The following OCA2 variants were observed in gnomAD, a reference collection of about 807,000 sequenced individuals.
OCA2 encodes OCA2 melanosomal transmembrane protein.
A neutral mutation model predicts 100.2 loss-of-function variants in OCA2; 77 were observed. The observed-to-expected ratio is 0.77, with a 90% confidence interval of 0.64 to 0.93. OCA2 has a LOEUF of 0.93. OCA2 is among the 40% of genes least tolerant of loss of function. The pLI, the probability that OCA2 is intolerant of heterozygous loss-of-function variation, is 0.00. For synonymous variants in OCA2, 432 were observed against 439.2 expected (o/e 0.98, Z 0.21); for missense variants, 1,062 against 1,089.1 (o/e 0.98, Z 0.35).
intron 23 of OCA2, among the ~76,000 whole-genome samples, chr15:27,758,242 AG>A (rs1051355513): frequency 1.3e-5 from 2 of 152,190 alleles, no homozygotes; most frequent in Non-Finnish European, 2.9e-5. Flanking sequence ...GAAAACAAAA[AG>A]CCCCAAGAGA....
At chr15:28,089,168 A>G (rs1451367454) in intron 1 of OCA2, among the ~76,000 whole-genome samples, 2 of 152,230 alleles carry the variant, frequency 1.3e-5, no homozygotes, top group African/African-American at 4.8e-5. Flanking sequence ...ACCAGACTTT[A>G]AGGTTATCTC....
intron 23 of OCA2, among the ~76,000 whole-genome samples, chr15:27,758,345 GA>G (rs1291370107): frequency 8.5e-5 from 13 of 152,088 alleles, no homozygotes; most frequent in Middle Eastern, 3.4e-3. Flanking sequence ...AATTCCACGG[GA>G]AAAAAAATTA....
intron 13 of OCA2, 129 bp from the exon 14 acceptor site, chr15:27,983,612 G>A: frequency 1.0e-6 from 1 of 983,836 alleles, no homozygotes; most frequent in Non-Finnish European, 1.6e-6. Flanking sequence ...CCCCTGTGGG[G>A]AAGGCAGTGC....
At chr15:27,949,071 T>C (rs2039942419) in intron 18 of OCA2, among the ~76,000 whole-genome samples, 2 of 151,784 alleles carry the variant, frequency 1.3e-5, no homozygotes, top group African/African-American at 4.9e-5. Flanking sequence ...AAAAGTCAGT[T>C]TTGCTCTATG....
chr15:27,984,132 A>G (rs2041263125), intron 13 of OCA2, among the ~76,000 whole-genome samples: 2 of 151,886 alleles, frequency 1.3e-5, no homozygotes, highest in African/African-American at 4.8e-5. Flanking sequence ...ATTCTCTTCT[A>G]GCTATCTTGG....
chr15:27,931,841 T>C (rs1310274227), intron 18 of OCA2, among the ~76,000 whole-genome samples: 1 of 152,212 alleles, frequency 6.6e-6, no homozygotes, highest in Admixed American at 6.5e-5. Flanking sequence ...TTCCAAAGTA[T>C]ACCCACTTGT....
chr15:27,720,446 T>C, the OCA2 span, among the ~76,000 whole-genome samples: 2 of 150,142 alleles, frequency 1.3e-5, no homozygotes, highest in African/African-American at 4.9e-5. Context: ...AATTTTGAAA[T>C]TCATCTGTTT....
intron 19 of OCA2, among the ~76,000 whole-genome samples, chr15:27,889,068 C>T (rs4589506): frequency 0.3 from 46,140 of 151,992 alleles, 7,469 homozygotes; most frequent in East Asian, 0.56. Context: ...TATTAAACTA[C>T]AGGTTAGACT....
intron 1 of OCA2, among the ~76,000 whole-genome samples, chr15:28,092,206 C>A (rs1408446625): frequency 3.9e-5 from 6 of 152,050 alleles, no homozygotes; most frequent in African/African-American, 1.2e-4. Flanking sequence ...AAATTAGTTG[C>A]TGCTTATGGC....
At chr15:27,988,681 T>C (rs2041442200) in intron 11 of OCA2, among the ~76,000 whole-genome samples, 1 of 152,162 alleles carries the variant, frequency 6.6e-6, no homozygotes, top group Non-Finnish European at 1.5e-5. Context: ...AGCAAACTAA[T>C]ATAGCATTCC....
intron 23 of OCA2, among the ~76,000 whole-genome samples, chr15:27,801,571 AAAAAAG>A (rs1263713476): frequency 6.6e-6 from 1 of 151,352 alleles, no homozygotes; most frequent in East Asian, 1.9e-4. Context: ...AAAAAAAAAA[AAAAAAG>A]AAGGATAACA....
At chr15:28,024,307 C>A (rs1172204868) in intron 5 of OCA2, among the ~76,000 whole-genome samples, 1 of 152,192 alleles carries the variant, frequency 6.6e-6, no homozygotes, top group Non-Finnish European at 1.5e-5. Context: ...TGGTTTGGCT[C>A]CAGAATGAGT....
At chr15:27,751,719 G>C (rs1255567887), downstream of OCA2, among the ~76,000 whole-genome samples, 2 of 152,196 alleles carry the variant, frequency 1.3e-5, no homozygotes, top group Non-Finnish European at 2.9e-5. Flanking sequence ...CACACACACT[G>C]TAGGGAGATG....
rs141376866 is a variant in OCA2, at chr15:27,790,134, G to T, written c.2433-34662C>A. On this transcript the variant is annotated intron_variant, in intron 23 of 23. Coordinates refer to ENST00000354638, the MANE Select transcript of OCA2 (RefSeq NM_000275.3). ...AAAGGGCAAAAGACCTTAACAGACAGTTCACCAAAGAACATAAATACATGT... is the reference window on the plus strand; with the variant it reads ...AAAGGGCAAAAGACCTTAACAGACATTTCACCAAAGAACATAAATACATGT... Among the ~76,000 whole-genome samples, 105 of 150,158 alleles carry T rather than the reference G, an allele frequency of 7.0e-4. No homozygotes were observed. In the East Asian group the frequency reaches 0.018, roughly 25 times the overall value.
At chr15:27,970,678 G>A (rs1250937922) in intron 14 of OCA2, among the ~76,000 whole-genome samples, 4 of 151,190 alleles carry the variant, frequency 2.6e-5, no homozygotes, top group Admixed American at 2.6e-4. Context: ...AGCATACGCA[G>A]TACGGCAGGG....
At chr15:28,028,139 T>C (rs1242418244) in intron 3 of OCA2, 80 bp from the exon 4 acceptor site, 2 of 1,504,570 alleles carry the variant, frequency 1.3e-6, no homozygotes, top group East Asian at 2.3e-5. Context: ...GTTCTGACTG[T>C]GTGAAATGGC....
At chr15:27,811,531 G>A (rs766169841) in intron 23 of OCA2, among the ~76,000 whole-genome samples, 9 of 151,888 alleles carry the variant, frequency 5.9e-5, no homozygotes, top group Admixed American at 2.6e-4. Flanking sequence ...AAAATTAAAC[G>A]AAAAAACAGC....
rs141939628 is a variant in OCA2 at position 28,021,427 on chromosome 15, G to T, written c.646+1074C>A. ...TCGCCTGAAACCTAGAGCAAAACAG[G>T]TGACTGTAGGAAGAGGCGGCTTCCC... On this transcript the variant is annotated intron_variant, in intron 6 of 23. Transcript: ENST00000354638. Among the ~76,000 whole-genome samples the T allele has an allele frequency of 5.6e-3, 858 of 152,334 alleles. 28 individuals are homozygous for T. Among genetic ancestry groups the T allele is most frequent in the Admixed American group, 0.049 (749 of 15,310 alleles).
chr15:27,947,684 T>C (rs1169916805), intron 18 of OCA2, among the ~76,000 whole-genome samples: 2 of 152,190 alleles, frequency 1.3e-5, no homozygotes, highest in African/African-American at 4.8e-5. Context: ...CAATGGGCCA[T>C]GCGCACCAGC....
Sources: gnomAD v4.1 joint callset for allele counts (sites outside exome capture counted in the v4.1 genomes callset) on GRCh38, gnomAD v4.1.1 for gene constraint, MANE v1.5 for transcripts, NCBI Gene and HGNC (gene_info 2026-07-23, HGNC 2026-07-21) for gene names.